PUDP: variants seen among roughly 807,000 people sequenced by gnomAD.
PUDP encodes the protein pseudouridine 5'-phosphatase.
Under a neutral mutation model 9.4 loss-of-function variants are expected in PUDP, and 8 were observed. The observed-to-expected ratio is 0.85, with a 90% CI of 0.50 to 1.53. The LOEUF (loss-of-function observed/expected upper bound fraction) is 1.53. Among genes scored for constraint, PUDP ranks in the 40% most tolerant of loss-of-function variants. The pLI, the probability that PUDP is intolerant of heterozygous loss-of-function variation, is 0.00. For missense variants in PUDP, 188 were observed against 189.7 expected, an observed-to-expected ratio of 0.99 and a Z score of 0.05; for synonymous variants, 99 against 80.7, an observed-to-expected ratio of 1.23 and a Z score of -1.22.
At chrX:7,078,476 A>C (rs1930982444) in intron 2 of PUDP, among the ~76,000 whole-genome samples, 1 of 111,764 alleles carries the variant, frequency 8.9e-6, no homozygotes, top group Admixed American at 9.5e-5. Context: ...TATTTTTAGT[A>C]GAGATGGGGT....
intron 3 of PUDP, among the ~76,000 whole-genome samples, chrX:6,966,970 G>A (rs1928794958): frequency 8.9e-6 from 1 of 111,891 alleles, no homozygotes; most frequent in African/African-American, 3.3e-5. Flanking sequence ...GCTGATTCCC[G>A]GTTGGAGGAA....
At chrX:7,138,195 A>G (rs906974125) in intron 1 of PUDP, among the ~76,000 whole-genome samples, 3 of 111,363 alleles carry the variant, frequency 2.7e-5, no homozygotes, top group African/African-American at 6.5e-5. Flanking sequence ...ACAAATCCAG[A>G]ATGTAGGCTG....
At chrX:6,904,362 A>T (rs1248987046) in intron 3 of PUDP, among the ~76,000 whole-genome samples, 2 of 111,186 alleles carry the variant, frequency 1.8e-5, no homozygotes, top group East Asian at 5.6e-4. Flanking sequence ...AGGTGATAGC[A>T]GCATCTGGTG....
chrX:7,082,123 C>G (rs1379836236), intron 2 of PUDP, among the ~76,000 whole-genome samples: 1 of 111,985 alleles, frequency 8.9e-6, no homozygotes, highest in Non-Finnish European at 1.9e-5. Flanking sequence ...CGTGGGTTTA[C>G]AGGAAGGGCA....
At chrX:6,926,914 G>A (rs1448354599) in intron 3 of PUDP, among the ~76,000 whole-genome samples, 5 of 100,350 alleles carry the variant, frequency 5.0e-5, no homozygotes, top group African/African-American at 1.8e-4. Context: ...GACACAAGGA[G>A]ACAATTCCTT....
chrX:7,105,789 A>G lies in PUDP; in HGVS notation c.111T>C (p.Tyr37=), dbSNP rs1931863112. 1 of 1,209,010 alleles carries G rather than the reference A, an allele frequency of 8.3e-7. No homozygotes were observed. The highest frequency in any genetic ancestry group is 1.1e-6 in the Non-Finnish European group (1 of 893,430). ...TTACATCCCAGCTGTATTTCTTGTC[A>G]TAGCGATTACATATTTCTTGAAACA... The part of the protein sequence containing the change: ...SVVFQEICNR[Y]DKKYSWDVKS... The change falls in exon 2 of 4, where the codon TAT becomes TAC. Residue 37 remains tyrosine, a synonymous_variant. Transcript: ENST00000381077.
intron 3 of PUDP, among the ~76,000 whole-genome samples, chrX:6,902,563 G>A (rs563033718): frequency 1.8e-5 from 2 of 112,431 alleles, no homozygotes; most frequent in South Asian, 7.4e-4. Context: ...TGCCTTAAGG[G>A]TATTGCTTTG....
At chrX:6,771,348 T>C (rs1001287968) in intron 3 of PUDP, among the ~76,000 whole-genome samples, 2 of 112,336 alleles carry the variant, frequency 1.8e-5, no homozygotes, top group Non-Finnish European at 3.8e-5. Flanking sequence ...TTTTGAAGAC[T>C]ACCCCAAACA....
At chrX:6,818,830 A>G (rs906815149) in intron 3 of PUDP, among the ~76,000 whole-genome samples, 1 of 112,248 alleles carries the variant, frequency 8.9e-6, no homozygotes, top group African/African-American at 3.2e-5. Context: ...TATACACCTG[A>G]ATTTAATTAA....
chrX:6,998,529 GA>G lies in PUDP; in HGVS notation c.205-20187del, dbSNP rs202015672. ...ATGAGACTTTAGTCTTTCTCCAGCCGAAAAAAAAAACCTCACAAAAAACAAC... is the reference window on the plus strand; with the variant it reads ...ATGAGACTTTAGTCTTTCTCCAGCCGAAAAAAAAACCTCACAAAAAACAAC... On this transcript the variant is annotated intron_variant and NMD_transcript_variant, in intron 1 of 3. Transcript: ENST00000655425. Among the ~76,000 whole-genome samples, 125 of 105,490 alleles carry G rather than the reference GA, an allele frequency of 1.2e-3. 1 individual carries two copies. In the East Asian group the frequency reaches 0.016, roughly 14 times the overall value. The allele number at this position is 105,490 out of a possible 115,157, so 91.6% of individuals were successfully genotyped here. A position where few individuals can be genotyped will look rare whatever the true frequency, so the allele number is the denominator to read the frequency against.
chrX:7,080,617 C>T (rs1931052008), intron 2 of PUDP, among the ~76,000 whole-genome samples: 1 of 112,115 alleles, frequency 8.9e-6, no homozygotes, highest in South Asian at 3.7e-4. Flanking sequence ...AACTTGAATC[C>T]ATTAGTTAAA....
chrX:7,092,700 G>A (rs1480426054), intron 2 of PUDP, among the ~76,000 whole-genome samples: 1 of 111,636 alleles, frequency 9.0e-6, no homozygotes, highest in African/African-American at 3.3e-5. Flanking sequence ...GAGAGTAGGC[G>A]TGGTGCGAGG....
At chrX:6,988,248 G>A (rs980762736) in intron 1 of PUDP, among the ~76,000 whole-genome samples, 1 of 111,505 alleles carries the variant, frequency 9.0e-6, no homozygotes, top group Non-Finnish European at 1.9e-5. Flanking sequence ...CTCTTTTGGT[G>A]CTCCCACTCT....
intron 3 of PUDP, among the ~76,000 whole-genome samples, chrX:6,796,028 G>A (rs967161668): frequency 1.3e-4 from 15 of 111,825 alleles, no homozygotes; most frequent in South Asian, 3.7e-4. Context: ...ATTGATCTCC[G>A]GACAACTAGC....
At chrX:6,954,121 C>T in intron 3 of PUDP, among the ~76,000 whole-genome samples, 1 of 110,619 alleles carries the variant, frequency 9.0e-6, no homozygotes, top group Non-Finnish European at 1.9e-5. Flanking sequence ...CAGCCCTGTG[C>T]AACTGTGAGT....
intron 3 of PUDP, among the ~76,000 whole-genome samples, chrX:6,917,757 A>G (rs1216751092): frequency 8.9e-6 from 1 of 112,299 alleles, no homozygotes; most frequent in Non-Finnish European, 1.9e-5. Context: ...GAATAGGGTT[A>G]CTTTGCAATT....
intron 3 of PUDP, among the ~76,000 whole-genome samples, chrX:6,861,898 T>G (rs1233507412): frequency 9.0e-6 from 1 of 111,652 alleles, no homozygotes; most frequent in Non-Finnish European, 1.9e-5. Context: ...GAGGGCTATC[T>G]TAGGGGTTTT....
chrX:7,005,838 A>T (rs1252676750), intron 1 of PUDP, among the ~76,000 whole-genome samples: 1 of 110,881 alleles, frequency 9.0e-6, no homozygotes, highest in East Asian at 2.8e-4. Flanking sequence ...CTAACTCCTC[A>T]TTCTTCCTCC....
intron 1 of PUDP, among the ~76,000 whole-genome samples, chrX:7,118,032 G>A (rs373554891): frequency 8.8e-6 from 1 of 113,017 alleles, no homozygotes; most frequent in African/African-American, 3.2e-5. Context: ...TACAAATTAC[G>A]TGGACTCAGG....
Sources: gnomAD v4.1 joint callset for allele counts (sites outside exome capture counted in the v4.1 genomes callset) on GRCh38, gnomAD v4.1.1 for gene constraint, MANE v1.5 for transcripts, NCBI Gene and HGNC (gene_info 2026-07-23, HGNC 2026-07-21) for gene names.